The following LRRIQ3 variants were observed in gnomAD, a reference collection of about 807,000 sequenced individuals.
LRRIQ3 encodes the protein leucine rich repeats and IQ motif containing 3, also known as leucine-rich repeat and IQ domain-containing protein 3.
In LRRIQ3, 75 loss-of-function variants were observed where a neutral mutation model predicts 59.3. The observed-to-expected ratio is 1.26, with a 90% CI of 1.05 to 1.53. The LOEUF (loss-of-function observed/expected upper bound fraction) is 1.53, where lower values mean the gene tolerates loss of function less well. LRRIQ3 is among the 40% of genes most tolerant of loss of function. LRRIQ3 has a pLI of 0.00. For missense variants in LRRIQ3, 831 were observed against 710.0 expected, an observed-to-expected ratio of 1.17 and a Z score of -1.94; for synonymous variants, 250 against 231.3, an observed-to-expected ratio of 1.08 and a Z score of -0.73.
intron 3 of LRRIQ3, among the ~76,000 whole-genome samples, chr1:74,157,478 C>A (rs1023188700): frequency 2.6e-5 from 4 of 152,076 alleles, no homozygotes; most frequent in East Asian, 1.9e-4. Context: ...AACTCTCAAT[C>A]CTTTATATCT....
intron 5 of LRRIQ3, among the ~76,000 whole-genome samples, chr1:74,084,672 A>G (rs1646308183): frequency 6.6e-6 from 1 of 151,708 alleles, no homozygotes; most frequent in Non-Finnish European, 1.5e-5. Flanking sequence ...TAAGGGGAAA[A>G]TGACTTGGCA....
At chr1:74,067,256 T>C (rs749978172) in intron 6 of LRRIQ3, among the ~76,000 whole-genome samples, 5 of 152,076 alleles carry the variant, frequency 3.3e-5, no homozygotes, top group Non-Finnish European at 5.9e-5. Context: ...CCCATTCTTA[T>C]ACACTTAAAC....
chr1:74,196,238 T>C (rs1267365668), intron 1 of LRRIQ3, among the ~76,000 whole-genome samples: 4 of 152,170 alleles, frequency 2.6e-5, no homozygotes, highest in Non-Finnish European at 4.4e-5. Flanking sequence ...ATATTCTGTA[T>C]GATAGAATCT....
intron 6 of LRRIQ3, among the ~76,000 whole-genome samples, chr1:74,067,032 T>G (rs979308161): frequency 2.0e-5 from 3 of 152,142 alleles, no homozygotes; most frequent in African/African-American, 7.2e-5. Context: ...GAGAAACAAG[T>G]AGAATACTTT....
At chr1:74,177,973 T>C (rs1649750077) in intron 3 of LRRIQ3, among the ~76,000 whole-genome samples, 1 of 152,000 alleles carries the variant, frequency 6.6e-6, no homozygotes. Context: ...TTTTGCATAA[T>C]ACTATTGTGC....
At chr1:74,185,599 C>T in intron 1 of LRRIQ3, among the ~76,000 whole-genome samples, 1 of 152,024 alleles carries the variant, frequency 6.6e-6, no homozygotes, top group East Asian at 1.9e-4. Context: ...TGTGGCTTGC[C>T]TTTTCATTTT....
chr1:74,052,093 T>G (rs1370922238), intron 6 of LRRIQ3, among the ~76,000 whole-genome samples: 1 of 152,138 alleles, frequency 6.6e-6, no homozygotes, highest in Non-Finnish European at 1.5e-5. Context: ...CTTCAATCTT[T>G]TTTTCCTCTA....
At chr1:74,155,949 G>C in intron 3 of LRRIQ3, 83 bp from the exon 4 acceptor site, 1 of 807,368 alleles carries the variant, frequency 1.2e-6, no homozygotes, top group Non-Finnish European at 1.7e-6. Context: ...TAATCTATTG[G>C]TTTAAATAAA....
chr1:74,172,056 G>C (rs1002907744), intron 3 of LRRIQ3, among the ~76,000 whole-genome samples: 2 of 151,874 alleles, frequency 1.3e-5, no homozygotes, highest in Non-Finnish European at 2.9e-5. Flanking sequence ...TTTTTAAAAA[G>C]CCAACTGAAT....
chr1:74,141,759 A>G (rs139625793), intron 4 of LRRIQ3, among the ~76,000 whole-genome samples: 52 of 152,004 alleles, frequency 3.4e-4, no homozygotes, highest in Non-Finnish European at 6.5e-4. Flanking sequence ...AACACAAACA[A>G]TATTATTTTG....
chr1:74,164,751 C>CCAAAAGTATTA (rs1648872098), intron 3 of LRRIQ3, among the ~76,000 whole-genome samples: 1 of 151,416 alleles, frequency 6.6e-6, no homozygotes, highest in Non-Finnish European at 1.5e-5. Flanking sequence ...TCCTAGATGC[C>CCAAAAGTATTA]CAAAAGTATT....
At chr1:74,193,392 A>T (rs1222563008) in intron 1 of LRRIQ3, among the ~76,000 whole-genome samples, 1 of 152,188 alleles carries the variant, frequency 6.6e-6, no homozygotes, top group Non-Finnish European at 1.5e-5. Context: ...TTTAAAAATT[A>T]TCCTACATTT....
chr1:74,120,140 A>C (rs1646832197), intron 4 of LRRIQ3, among the ~76,000 whole-genome samples: 1 of 150,078 alleles, frequency 6.7e-6, no homozygotes, highest in Non-Finnish European at 1.5e-5. Context: ...TTTTTTTGAC[A>C]TGGAGTCCTG....
intron 4 of LRRIQ3, among the ~76,000 whole-genome samples, chr1:74,150,378 A>T (rs1647853906): frequency 6.6e-6 from 1 of 152,164 alleles, no homozygotes; most frequent in East Asian, 1.9e-4. Context: ...AGTAAAACAT[A>T]CAAATATATT....
chr1:74,111,825 A>C (rs1377302106), intron 4 of LRRIQ3, among the ~76,000 whole-genome samples: 2 of 152,016 alleles, frequency 1.3e-5, no homozygotes, highest in East Asian at 3.9e-4. Flanking sequence ...AGAACATAGG[A>C]TCCCTCTACT....
intron 6 of LRRIQ3, among the ~76,000 whole-genome samples, chr1:74,056,753 T>A (rs534794082): frequency 6.6e-6 from 1 of 152,150 alleles, no homozygotes; most frequent in African/African-American, 2.4e-5. Flanking sequence ...TGTTCATGGA[T>A]TGTCAGAATT....
At chr1:74,156,042 T>C (rs1228058317) in intron 3 of LRRIQ3, among the ~76,000 whole-genome samples, 176 bp from the exon 4 acceptor site, 1 of 152,194 alleles carries the variant, frequency 6.6e-6, no homozygotes, top group Non-Finnish European at 1.5e-5. Flanking sequence ...AAATCTTATG[T>C]TGAAATGCAA....
At chr1:74,113,621 T>A (rs1646734631) in intron 4 of LRRIQ3, among the ~76,000 whole-genome samples, 1 of 152,036 alleles carries the variant, frequency 6.6e-6, no homozygotes, top group South Asian at 2.1e-4. Context: ...TATGACATTG[T>A]CAAAGTTCTG....
intron 5 of LRRIQ3, among the ~76,000 whole-genome samples, chr1:74,094,124 GA>G (rs1301621574): frequency 6.6e-6 from 1 of 151,912 alleles, no homozygotes; most frequent in Non-Finnish European, 1.5e-5. Context: ...GGGGTTGGGG[GA>G]GGGGGAGATT....
Sources: allele counts gnomAD v4.1 joint callset (sites outside exome capture counted in the v4.1 genomes callset), GRCh38; gene constraint gnomAD v4.1.1; transcripts MANE v1.5; gene names NCBI Gene and HGNC (gene_info 2026-07-23, HGNC 2026-07-21).